The following RPS6KA3 variants were observed in gnomAD, a reference collection of about 807,000 sequenced individuals.
The protein encoded by RPS6KA3 is ribosomal protein S6 kinase A3.
RPS6KA3 carries 4 observed loss-of-function variants against 67.2 expected under a neutral mutation model. That is an observed-to-expected ratio of 0.06 (90% CI 0.03 to 0.14). The LOEUF (loss-of-function observed/expected upper bound fraction) is 0.14, where lower values mean the gene tolerates loss of function less well. RPS6KA3 is among the 10% of genes least tolerant of loss of function. The pLI, the probability that RPS6KA3 is intolerant of heterozygous loss-of-function variation, is 1.00. For synonymous variants in RPS6KA3, 182 were observed against 183.7 expected (o/e 0.99, Z 0.07); for missense variants, 204 against 559.0 (o/e 0.36, Z 6.40).
chrX:20,236,237 G>A (rs1944404543), intron 1 of RPS6KA3, among the ~76,000 whole-genome samples: 1 of 111,759 alleles, frequency 8.9e-6, no homozygotes, highest in African/African-American at 3.3e-5. Flanking sequence ...ATATTCTAAT[G>A]TGTCTACAAT....
rs2067178123 is a variant in RPS6KA3, at chrX:20,155,960, T to C, written c.2100+149A>G. 6 of 627,632 alleles carry C rather than the reference T, an allele frequency of 9.6e-6. No homozygotes were observed. In the East Asian group the frequency reaches 1.9e-4, roughly 20 times the overall value. 51.7% of individuals were successfully genotyped at this position (627,632 alleles called of 1,213,427 possible). On this transcript the variant is annotated intron_variant, in intron 21 of 21. Transcript: ENST00000379565. ...TTATTACTAATATATTGATATGCCT[T>C]GAGCTTTTCGAAGTCACCCACTGTA...
Position 20,176,299 on chromosome X carries a change from A to G in RPS6KA3, c.1053T>C (p.Pro351=), listed in dbSNP as rs1207642588. ...CAGGATCAAAATAGAATGTATCTTC[A>G]GGCCTGCCCGTTGCAGGTTTAAATG... ...HPPFKPATGR[P]EDTFYFDPEF... is the part of the protein sequence containing the mutation. The change falls in exon 13 of 22, where the codon CCT becomes CCC. Residue 351 remains proline (P), a synonymous_variant. Coordinates refer to ENST00000379565, the MANE Select transcript of RPS6KA3 (RefSeq NM_004586.3). 3 of 1,204,472 alleles carry G rather than the reference A, an allele frequency of 2.5e-6. No homozygotes were observed. The highest frequency in any genetic ancestry group is 3.4e-6 in the Non-Finnish European group (3 of 889,013).
At chrX:20,174,642 T>C (rs1010915302) in intron 14 of RPS6KA3, among the ~76,000 whole-genome samples, 1 of 110,253 alleles carries the variant, frequency 9.1e-6, no homozygotes, top group Admixed American at 9.7e-5. Flanking sequence ...CCACCGCACC[T>C]GGCCTAAAAC....
chrX:20,246,757 ATT>A (rs2069701330), intron 1 of RPS6KA3, among the ~76,000 whole-genome samples: 1 of 112,243 alleles, frequency 8.9e-6, no homozygotes, highest in African/African-American at 3.2e-5. Flanking sequence ...AAACATATAT[ATT>A]CTTACAAACA....
At chrX:20,230,796 C>A (rs1017066428) in intron 2 of RPS6KA3, among the ~76,000 whole-genome samples, 3 of 111,044 alleles carry the variant, frequency 2.7e-5, no homozygotes, top group Non-Finnish European at 3.8e-5. Context: ...TCCTAAGATG[C>A]TAAAAAACAG....
chrX:20,257,755 G>A (rs1432709260), intron 1 of RPS6KA3, among the ~76,000 whole-genome samples: 1 of 111,884 alleles, frequency 8.9e-6, no homozygotes, highest in African/African-American at 3.3e-5. Flanking sequence ...TTTCTCCCCA[G>A]AGACATTAGT....
At chrX:20,186,131 G>A (rs1366687254) in intron 10 of RPS6KA3, among the ~76,000 whole-genome samples, 165 bp downstream of exon 10, 1 of 110,678 alleles carries the variant, frequency 9.0e-6, no homozygotes, top group Non-Finnish European at 1.9e-5. Context: ...TAGTAGAGAT[G>A]GGGTTTCACC....
intron 20 of RPS6KA3, among the ~76,000 whole-genome samples, chrX:20,156,756 C>T (rs933916333): frequency 1.8e-5 from 2 of 110,728 alleles, no homozygotes; most frequent in East Asian, 5.7e-4. Context: ...GGCTGGTCTC[C>T]ACCTCCTGGA....
intron 3 of RPS6KA3, among the ~76,000 whole-genome samples, chrX:20,205,885 A>C (rs1487618615): frequency 8.9e-6 from 1 of 112,574 alleles, no homozygotes; most frequent in Non-Finnish European, 1.9e-5. Flanking sequence ...CTTAGTTTGC[A>C]AAATACTTTC....
intron 4 of RPS6KA3, among the ~76,000 whole-genome samples, chrX:20,196,001 G>A (rs1408356804): frequency 8.9e-6 from 1 of 112,468 alleles, no homozygotes; most frequent in Non-Finnish European, 1.9e-5. Context: ...TTTACTACCA[G>A]CAATGAGTAC....
chrX:20,230,345 G>A (rs2069228556), intron 2 of RPS6KA3, among the ~76,000 whole-genome samples: 1 of 111,596 alleles, frequency 9.0e-6, no homozygotes, highest in Non-Finnish European at 1.9e-5. Context: ...ATAGGCTCCC[G>A]TGGCAGCAAA....
chrX:20,203,004 G>A (rs2068479084), intron 4 of RPS6KA3, among the ~76,000 whole-genome samples: 1 of 112,015 alleles, frequency 8.9e-6, no homozygotes, highest in African/African-American at 3.2e-5. Flanking sequence ...GCAAACGACA[G>A]TGTTTACAGA....
chrX:20,225,168 G>A (rs1415204943), intron 2 of RPS6KA3, among the ~76,000 whole-genome samples: 1 of 107,994 alleles, frequency 9.3e-6, no homozygotes, highest in South Asian at 4.1e-4. Flanking sequence ...TAGAACAGAA[G>A]AGAAGCAATT....
At chrX:20,236,614 C>A (rs1170485738) in intron 1 of RPS6KA3, among the ~76,000 whole-genome samples, 1 of 111,473 alleles carries the variant, frequency 9.0e-6, no homozygotes, top group Admixed American at 9.5e-5. Flanking sequence ...GGTCTACTGA[C>A]CTTATACAAA....
At chrX:20,169,761 T>A (rs1387318780) in intron 15 of RPS6KA3, among the ~76,000 whole-genome samples, 4 of 111,752 alleles carry the variant, frequency 3.6e-5, no homozygotes, top group African/African-American at 1.3e-4. Context: ...GTTTAGGACT[T>A]AACCAAAAAC....
At chrX:20,214,257 T>C (rs1292306016) in intron 2 of RPS6KA3, among the ~76,000 whole-genome samples, 1 of 112,031 alleles carries the variant, frequency 8.9e-6, no homozygotes, top group Non-Finnish European at 1.9e-5. Context: ...GATTTTCTGG[T>C]TGAATTCACT....
At chrX:20,158,410 G>A (rs2067237773) in intron 20 of RPS6KA3, among the ~76,000 whole-genome samples, 1 of 101,503 alleles carries the variant, frequency 9.9e-6, no homozygotes, top group Non-Finnish European at 2.0e-5. Context: ...AGAGAGAAAT[G>A]GAGGTATTTA....
chrX:20,261,878 G>A (rs1960153887), intron 1 of RPS6KA3, among the ~76,000 whole-genome samples: 2 of 112,088 alleles, frequency 1.8e-5, no homozygotes, highest in South Asian at 7.3e-4. Flanking sequence ...CACACTGATG[G>A]GAGTGGGGTG....
intron 1 of RPS6KA3, among the ~76,000 whole-genome samples, chrX:20,250,463 G>A (rs753042114): frequency 2.7e-4 from 30 of 112,035 alleles, no homozygotes; most frequent in Non-Finnish European, 2.6e-4. Flanking sequence ...CCAAGGTGCT[G>A]GGACTACACC....
Sources: gnomAD v4.1 joint callset for allele counts (sites outside exome capture counted in the v4.1 genomes callset) on GRCh38, gnomAD v4.1.1 for gene constraint, MANE v1.5 for transcripts, NCBI Gene and HGNC (gene_info 2026-07-23, HGNC 2026-07-21) for gene names.